METTL16: variants seen among roughly 807,000 people sequenced by gnomAD.
METTL16 encodes RNA N(6)-adenosine-methyltransferase METTL16.
Under a neutral mutation model 57.9 loss-of-function variants are expected in METTL16, and 19 were observed. The observed-to-expected ratio is 0.33, with a 90% CI of 0.23 to 0.48. METTL16 has a LOEUF of 0.48. Among genes scored for constraint, METTL16 ranks in the 20% least tolerant of loss-of-function variants. METTL16 has a pLI of 0.99. For missense variants in METTL16, 434 were observed against 691.5 expected (o/e 0.63, Z 4.18); for synonymous variants, 246 against 255.6 (o/e 0.96, Z 0.36).
At chr17:2,445,405 G>C (rs1160754687) in intron 6 of METTL16, among the ~76,000 whole-genome samples, 1 of 151,992 alleles carries the variant, frequency 6.6e-6, no homozygotes, top group East Asian at 1.9e-4. Context: ...CCCTCATTAA[G>C]CAACACATGA....
chr17:2,455,947 C>G (rs879692230), intron 6 of METTL16, among the ~76,000 whole-genome samples: 1 of 152,058 alleles, frequency 6.6e-6, no homozygotes, highest in African/African-American at 2.4e-5. Flanking sequence ...CATGCCACTG[C>G]ACTCTAGTCT....
At chr17:2,479,859 T>C (rs1424597269) in intron 2 of METTL16, among the ~76,000 whole-genome samples, 1 of 152,086 alleles carries the variant, frequency 6.6e-6, no homozygotes, top group East Asian at 1.9e-4. Flanking sequence ...CGTAAGTCAC[T>C]TCAGTTCTTA....
chr17:2,491,996 G>A (rs1398481260), intron 2 of METTL16, among the ~76,000 whole-genome samples: 4 of 151,198 alleles, frequency 2.6e-5, no homozygotes, highest in East Asian at 1.9e-4. Context: ...CGGATCACGA[G>A]GTCAGGAGAT....
At chr17:2,426,906 A>G (rs2066823986) in intron 8 of METTL16, among the ~76,000 whole-genome samples, 1 of 151,548 alleles carries the variant, frequency 6.6e-6, no homozygotes, top group African/African-American at 2.4e-5. Context: ...AGGCCAAGGC[A>G]GGCAGATCAC....
At chr17:2,429,849 C>A (rs968304047) in intron 8 of METTL16, among the ~76,000 whole-genome samples, 1 of 151,744 alleles carries the variant, frequency 6.6e-6, no homozygotes, top group Admixed American at 6.6e-5. Flanking sequence ...CTCGCTCTGT[C>A]GCCCAGGCTG....
Position 2,419,877 on chromosome 17 carries a change from A to T in METTL16, c.*93T>A. 2 of 1,440,696 alleles carry T rather than the reference A, an allele frequency of 1.4e-6. No individual in the cohort carries two copies. The highest frequency in any genetic ancestry group is 1.9e-6 in the Non-Finnish European group (2 of 1,040,052). 89.2% of individuals were successfully genotyped at this position (1,440,696 alleles called of 1,614,324 possible). ...TTCGAAGATAATTCCACATCGTGCT[A>T]CTAATGGGCCGCTGGTAGGATTCCT... On this transcript the variant is annotated 3_prime_UTR_variant, in exon 10 of 10. Coordinates refer to ENST00000263092, the MANE Select transcript of METTL16 (RefSeq NM_024086.4).
intron 6 of METTL16, among the ~76,000 whole-genome samples, chr17:2,452,360 G>T (rs2067077644): frequency 1.3e-5 from 2 of 152,092 alleles, no homozygotes. Context: ...AGCAACAGTT[G>T]TATTTGTTAT....
chr17:2,494,842 C>CA (rs950040745), intron 2 of METTL16, among the ~76,000 whole-genome samples: 96 of 151,832 alleles, frequency 6.3e-4, no homozygotes, highest in African/African-American at 2.3e-3. Flanking sequence ...TACTAAAATA[C>CA]AAAAAAACAG....
chr17:2,495,836 C>T (rs965716983), intron 2 of METTL16, among the ~76,000 whole-genome samples: 4 of 151,424 alleles, frequency 2.6e-5, no homozygotes, highest in African/African-American at 7.3e-5. Context: ...CGGCCGGGCG[C>T]GGTGGCTCAC....
chr17:2,490,655 G>A (rs1381893639), intron 2 of METTL16, among the ~76,000 whole-genome samples: 1 of 152,084 alleles, frequency 6.6e-6, no homozygotes, highest in Non-Finnish European at 1.5e-5. Flanking sequence ...CAGAAAACAG[G>A]TCCTTGGTTC....
intron 2 of METTL16, among the ~76,000 whole-genome samples, chr17:2,487,003 CAAAAA>C (rs11397318): frequency 3.5e-5 from 2 of 57,426 alleles, no homozygotes; most frequent in Non-Finnish European, 5.9e-5. Context: ...GATCCTGTCT[CAAAAA>C]AAAAAAAAAA....
intron 8 of METTL16, among the ~76,000 whole-genome samples, chr17:2,428,500 C>A (rs1402950375): frequency 8.0e-6 from 1 of 125,042 alleles, no homozygotes; most frequent in East Asian, 2.4e-4. Flanking sequence ...TGCACTCCAG[C>A]CCAGGCGACA....
chr17:2,502,587 C>G (rs1276022599), intron 1 of METTL16, among the ~76,000 whole-genome samples: 1 of 151,888 alleles, frequency 6.6e-6, no homozygotes, highest in African/African-American at 2.4e-5. Context: ...ACTTGGGAGG[C>G]TGAGGCAGGA....
chr17:2,443,758 C>G (rs912487697), intron 6 of METTL16, among the ~76,000 whole-genome samples: 1 of 152,160 alleles, frequency 6.6e-6, no homozygotes, highest in Non-Finnish European at 1.5e-5. Context: ...CTCGGCCTCC[C>G]GAAGTGCGGG....
intron 7 of METTL16, among the ~76,000 whole-genome samples, chr17:2,439,232 C>T (rs1597443967): frequency 6.6e-6 from 1 of 152,162 alleles, no homozygotes. Context: ...ACCTCAGCCT[C>T]CTGGGTAGTG....
intron 8 of METTL16, among the ~76,000 whole-genome samples, chr17:2,428,844 T>C (rs971009020): frequency 5.3e-5 from 8 of 152,014 alleles, no homozygotes; most frequent in African/African-American, 1.9e-4. Context: ...CACCAACTCA[T>C]TGTTTTTATT....
chr17:2,496,536 C>T (rs7212382), intron 2 of METTL16, among the ~76,000 whole-genome samples: 4,188 of 151,794 alleles, frequency 0.028, 215 homozygotes, highest in African/African-American at 0.07. Flanking sequence ...TATTTATCCA[C>T]ATAATTTTCC....
At chr17:2,503,983 T>C in intron 1 of METTL16, among the ~76,000 whole-genome samples, 1 of 152,056 alleles carries the variant, frequency 6.6e-6, no homozygotes, top group East Asian at 1.9e-4. Context: ...ATCCATACAA[T>C]AAATATGGAT....
intron 2 of METTL16, among the ~76,000 whole-genome samples, chr17:2,495,614 G>A (rs2067438679): frequency 6.7e-6 from 1 of 148,588 alleles, no homozygotes; most frequent in Non-Finnish European, 1.5e-5. Context: ...AGAATCCCTT[G>A]AACCCAGGAG....
Sources: allele counts gnomAD v4.1 joint callset (sites outside exome capture counted in the v4.1 genomes callset), GRCh38; gene constraint gnomAD v4.1.1; transcripts MANE v1.5; gene names NCBI Gene and HGNC (gene_info 2026-07-23, HGNC 2026-07-21).